Variants in VSTM2L observed in about 807,000 individuals in gnomAD.
VSTM2L encodes V-set and transmembrane domain-containing protein 2-like protein.
In VSTM2L, 9 loss-of-function variants were observed where a neutral mutation model predicts 19.9. The observed-to-expected ratio is 0.45, with a 90% confidence interval of 0.27 to 0.79. The LOEUF (loss-of-function observed/expected upper bound fraction) is 0.79, where lower values mean the gene tolerates loss of function less well. Among genes scored for constraint, VSTM2L ranks in the 30% least tolerant of loss-of-function variants. The probability of loss-of-function intolerance (pLI) is 0.15; values close to 1 mark genes in which losing one functional copy is unlikely to be tolerated. For synonymous variants in VSTM2L, 127 were observed against 133.8 expected (o/e 0.95, Z 0.35); for missense variants, 286 against 295.5 (o/e 0.97, Z 0.24).
intron 1 of VSTM2L, among the ~76,000 whole-genome samples, chr20:37,915,187 G>A (rs1304570433): frequency 6.6e-6 from 1 of 152,152 alleles, no homozygotes; most frequent in African/African-American, 2.4e-5. Context: ...TCGGACAGCG[G>A]CTGAGGGCCC....
chr20:37,942,275 A>T (rs2072976727), intron 3 of VSTM2L, among the ~76,000 whole-genome samples: 1 of 152,206 alleles, frequency 6.6e-6, no homozygotes, highest in African/African-American at 2.4e-5. Flanking sequence ...TGAGGCCAGG[A>T]GTTCGGGACC....
At chr20:37,921,843 T>C (rs1452946134) in intron 1 of VSTM2L, among the ~76,000 whole-genome samples, 8 of 131,878 alleles carry the variant, frequency 6.1e-5, no homozygotes, top group East Asian at 2.1e-4. Flanking sequence ...TTTTCCTTTT[T>C]TTTTTTTTTT....
chr20:37,943,428 T>TTA (rs2072985432), intron 3 of VSTM2L, among the ~76,000 whole-genome samples: 1 of 9,164 alleles, frequency 1.1e-4, no homozygotes, highest in Non-Finnish European at 4.4e-4. Flanking sequence ...GGCGCCTCTA[T>TTA]TTTTTTTTTT....
chr20:37,907,522 C>T (rs1315536651), intron 1 of VSTM2L, among the ~76,000 whole-genome samples: 4 of 152,124 alleles, frequency 2.6e-5, no homozygotes, highest in South Asian at 2.1e-4. Flanking sequence ...AAATGTCTGA[C>T]GCTATGGACT....
At chr20:37,914,479 G>T (rs952517487) in intron 1 of VSTM2L, among the ~76,000 whole-genome samples, 3 of 149,998 alleles carry the variant, frequency 2.0e-5, no homozygotes, top group South Asian at 4.2e-4. Flanking sequence ...TGTGTATTTT[G>T]TGTGTGTGTA....
intron 1 of VSTM2L, among the ~76,000 whole-genome samples, chr20:37,903,972 C>T (rs6126493): frequency 0.5 from 76,558 of 151,764 alleles, 20,986 homozygotes; most frequent in East Asian, 0.78. Context: ...CACAGGCACA[C>T]ACATACACAC....
chr20:37,913,541 G>A lies in VSTM2L; in HGVS notation c.121+10070G>A, dbSNP rs1349405521. On this transcript the variant is annotated intron_variant, in intron 1 of 3. Transcript: ENST00000373461. ...ATACTCAGAGAGCTGGGGTCAGGAA[G>A]AGATAATGGGGGACTCTTCAGGATC... 2.0e-5 allele frequency among the ~76,000 whole-genome samples: 3 copies of A among 152,244 alleles called. No individual in the cohort carries two copies. In the East Asian group the frequency reaches 5.8e-4, roughly 29 times the overall value.
chr20:37,908,590 A>T (rs1412006469), intron 1 of VSTM2L, among the ~76,000 whole-genome samples: 1 of 152,170 alleles, frequency 6.6e-6, no homozygotes, highest in African/African-American at 2.4e-5. Context: ...AGGTGGGTGG[A>T]TGACTTGAGC....
intron 3 of VSTM2L, among the ~76,000 whole-genome samples, chr20:37,943,427 ATTTT>A (rs35126131): frequency 6.3e-5 from 8 of 126,966 alleles, no homozygotes; most frequent in Admixed American, 1.6e-4. Flanking sequence ...AGGCGCCTCT[ATTTT>A]TTTTTTTTTT....
chr20:37,944,596 G>T lies in VSTM2L; in HGVS notation c.*343G>T. 1 of 1,085,172 alleles carries T rather than the reference G, an allele frequency of 9.2e-7. No homozygotes were observed. The highest frequency in any genetic ancestry group is 1.1e-6 in the Non-Finnish European group (1 of 895,214). 67.2% of individuals were successfully genotyped at this position (1,085,172 alleles called of 1,614,324 possible). ...GTCCAGTGTTTTGCTTTGCTTGCTT[G>T]TCCCCCATCCTGTCCTGAGCCGGGG... is the stretch of plus-strand genomic sequence containing the variant. On this transcript the variant is annotated 3_prime_UTR_variant, in exon 4 of 4. Transcript: ENST00000373461.
chr20:37,927,832 G>A (rs928245416), intron 1 of VSTM2L, among the ~76,000 whole-genome samples: 1 of 152,138 alleles, frequency 6.6e-6, no homozygotes, highest in Non-Finnish European at 1.5e-5. Flanking sequence ...CTCATGAGAC[G>A]CACACACATT....
chr20:37,914,134 C>T (rs1188987753), intron 1 of VSTM2L, among the ~76,000 whole-genome samples: 2 of 150,176 alleles, frequency 1.3e-5, no homozygotes, highest in Non-Finnish European at 3.0e-5. Context: ...TGTGCGCGCA[C>T]GAATGTGTGT....
intron 1 of VSTM2L, among the ~76,000 whole-genome samples, chr20:37,914,997 C>T (rs1391965714): frequency 1.3e-5 from 2 of 152,196 alleles, no homozygotes; most frequent in Non-Finnish European, 2.9e-5. Flanking sequence ...TCATTTCCGG[C>T]GTTGAAGGCG....
intron 1 of VSTM2L, among the ~76,000 whole-genome samples, chr20:37,909,958 A>G (rs763422484): frequency 1.4e-4 from 22 of 152,266 alleles, no homozygotes; most frequent in Non-Finnish European, 2.5e-4. Context: ...CTGCTCCTCC[A>G]GGTTCCCTTC....
At chr20:37,921,454 C>T (rs897322288) in intron 1 of VSTM2L, among the ~76,000 whole-genome samples, 1 of 152,262 alleles carries the variant, frequency 6.6e-6, no homozygotes, top group African/African-American at 2.4e-5. Context: ...GGGATCCTTC[C>T]CCTGCCTGCC....
intron 2 of VSTM2L, 117 bp from the exon 3 acceptor site, chr20:37,933,422 T>G: frequency 4.8e-6 from 4 of 838,092 alleles, no homozygotes; most frequent in Non-Finnish European, 7.5e-6. Context: ...TCTGCTGTCG[T>G]GAGAATCTTA....
intron 1 of VSTM2L, among the ~76,000 whole-genome samples, chr20:37,920,788 T>C (rs1040901863): frequency 7.2e-5 from 11 of 152,266 alleles, no homozygotes; most frequent in Non-Finnish European, 1.0e-4. Flanking sequence ...CCAATAAATG[T>C]TGAGTGAATG....
chr20:37,905,984 G>T (rs2072750048), intron 1 of VSTM2L, among the ~76,000 whole-genome samples: 1 of 150,568 alleles, frequency 6.6e-6, no homozygotes, highest in Admixed American at 6.6e-5. Context: ...ATTATTCCTG[G>T]GCTCCGTGTG....
Position 37,931,786 on chromosome 20 carries a change from G to T in VSTM2L, c.273G>T (p.Gln91His). The part of the protein sequence containing the change: ...VRSHRDWTDK[Q>H]AWASNQLKAS... ...GCCACCGGGACTGGACCGACAAGCA[G>T]GCGTGGGCCTCGAACCAGGTAATGC... The change falls in exon 2 of 4, where the codon CAG (glutamine) becomes CAT (histidine). Residue 91 changes from glutamine (Q) to histidine (H), a missense_variant. By Grantham distance (24) the Gln-to-His change is conservative (BLOSUM62 0). Coordinates refer to ENST00000373461, the MANE Select transcript of VSTM2L (RefSeq NM_080607.3). The T allele has an allele frequency of 6.2e-7, 1 of 1,613,870 alleles. No homozygotes were observed. The highest frequency in any genetic ancestry group is 8.5e-7 in the Non-Finnish European group (1 of 1,179,972).
Sources: allele counts gnomAD v4.1 joint callset (sites outside exome capture counted in the v4.1 genomes callset), GRCh38; gene constraint gnomAD v4.1.1; transcripts MANE v1.5; gene names NCBI Gene and HGNC (gene_info 2026-07-23, HGNC 2026-07-21).